Variants in CCDC185 observed in about 807,000 individuals in gnomAD.
CCDC185 encodes coiled-coil domain containing 185.
For missense variants in CCDC185, 982 were observed against 825.3 expected, an observed-to-expected ratio of 1.19 and a Z score of -2.33; for synonymous variants, 381 against 348.1, an observed-to-expected ratio of 1.09 and a Z score of -1.05.
rs749086241 is a variant in CCDC185, at chr1:223,393,870, C to G, written c.395C>G (p.Pro132Arg). ...QPQTQLPPQR[P>R]QPCPHYPLAQ... ...CAGACCCAGCTGCCACCCCAGCGGC[C>G]GCAGCCCTGCCCGCATTACCCTCTG... The change falls in exon 1 of 1, where the codon CCG becomes CGG. Residue 132 changes from proline (P) to arginine (R), a missense_variant. Coordinates refer to ENST00000366875, the MANE Select transcript of CCDC185 (RefSeq NM_152610.3). The surrounding 1 kb of genome is among the most constrained non-coding windows in gnomAD (Gnocchi z 4.8). 2.5e-6 allele frequency: 4 copies of G among 1,606,344 alleles called. No individual in the cohort carries two copies. In the African/African-American group the frequency reaches 5.3e-5, roughly 21 times the overall value.
chr1:223,394,717 G>A lies in CCDC185; in HGVS notation c.1242G>A (p.Glu414=), dbSNP rs771529561. The A allele has an allele frequency of 6.2e-7, 1 of 1,611,462 alleles. No individual in the cohort carries two copies. Among genetic ancestry groups the A allele is most frequent in the Non-Finnish European group, 8.5e-7 (1 of 1,179,004 alleles). ...GCAAGAGGCACCTACATGCCGTGGAGGGCCAGAAGAAGGTCCAGGACACCA... is the reference window on the plus strand; with the variant it reads ...GCAAGAGGCACCTACATGCCGTGGAAGGCCAGAAGAAGGTCCAGGACACCA... The part of the protein sequence containing the change: ...ACRKRHLHAV[E]GQKKVQDTNL... Residue 414 remains glutamate, a synonymous_variant, in exon 1 of 1, where the codon GAG becomes GAA. Transcript: ENST00000366875.
In CCDC185 at chr1:223,395,352, C is replaced by G; in HGVS notation, c.*5C>G. 2.0e-6 allele frequency: 3 copies of G among 1,504,464 alleles called. No homozygotes were observed. Among genetic ancestry groups the G allele is most frequent in the South Asian group, 2.8e-5 (2 of 70,616 alleles). 93.2% of individuals were successfully genotyped at this position (1,504,464 alleles called of 1,614,324 possible). A position where few individuals can be genotyped will look rare whatever the true frequency, so the allele number is the denominator to read the frequency against. On this transcript the variant is annotated 3_prime_UTR_variant, in exon 1 of 1. Transcript: ENST00000366875. ...CAGCAGAACAGGGGTTACTGAGAACCAAGGACGCCTGGCTTACAGTGCGCA... is the reference window on the plus strand; with the variant it reads ...CAGCAGAACAGGGGTTACTGAGAACGAAGGACGCCTGGCTTACAGTGCGCA...
chr1:223,393,766 G>A lies in CCDC185; in HGVS notation c.291G>A (p.Arg97=). The A allele has an allele frequency of 1.3e-6, 2 of 1,565,254 alleles. No homozygotes were observed. Among genetic ancestry groups the A allele is most frequent in the Non-Finnish European group, 1.7e-6 (2 of 1,157,366 alleles). Residue 97 remains arginine (R), a synonymous_variant, in exon 1 of 1, where the codon AGG becomes AGA. Coordinates refer to ENST00000366875, the MANE Select transcript of CCDC185 (RefSeq NM_152610.3). The surrounding 1 kb of genome is among the most constrained non-coding windows in gnomAD (Gnocchi z 4.8). ...DVARRPLERS[R]KHRPRSRRLE... The stretch of plus-strand genomic sequence containing the variant: ...CCCGCAGGCCCCTGGAACGTTCCAG[G>A]AAGCACCGGCCCCGCAGCAGGCGCC...
In CCDC185 at chr1:223,394,706, C is replaced by A. The variant is rs1413468831; in HGVS notation, c.1231C>A (p.His411Asn). The A allele has an allele frequency of 1.2e-6, 2 of 1,611,640 alleles. No homozygotes were observed. Among genetic ancestry groups the A allele is most frequent in the African/African-American group, 2.7e-5 (2 of 74,846 alleles). The part of the protein sequence containing the change: ...LVEACRKRHL[H>N]AVEGQKKVQD... ...GGAAGCCTGTCGCAAGAGGCACCTA[C>A]ATGCCGTGGAGGGCCAGAAGAAGGT... Residue 411 changes from histidine (H) to asparagine (N), a missense_variant, in exon 1 of 1, where the codon CAT becomes AAT. Physicochemically the swap from His to Asn is moderately conservative, Grantham distance 68. Transcript: ENST00000366875.
rs1053468522 is a variant in CCDC185 at position 223,395,309 on chromosome 1, G to A, written c.1834G>A (p.Ala612Thr). ...NSSLDQMVLE[A>T]QLRACQQNRG... ...CTCCCTTGATCAGATGGTACTAGAG[G>A]CCCAGCTCCGTGCCTGTCAGCAGAA... The change falls in exon 1 of 1, where the codon GCC (alanine) becomes ACC (threonine). Residue 612 changes from alanine to threonine, a missense_variant. Transcript: ENST00000366875. 6.5e-7 allele frequency: 1 copy of A among 1,529,394 alleles called. No individual in the cohort carries two copies. Among genetic ancestry groups the A allele is most frequent in the Non-Finnish European group, 8.8e-7 (1 of 1,142,758 alleles). The allele number at this position is 1,529,394 out of a possible 1,614,324, so 94.7% of individuals were successfully genotyped here.
rs186875984 is a variant in CCDC185, at chr1:223,394,374, G to T, written c.899G>T (p.Arg300Leu). Residue 300 changes from arginine to leucine, a missense_variant, in exon 1 of 1, where the codon CGG becomes CTG. Physicochemically the swap from Arg to Leu is moderately radical, Grantham distance 102. Transcript: ENST00000366875. The part of the protein sequence containing the change: ...SDQKVQMTLE[R>L]ERRLLLRQSQ... ...CAGAAGGTCCAGATGACCCTGGAGC[G>T]GGAGCGCCGGCTGCTGCTGCGGCAG... is the stretch of plus-strand genomic sequence containing the variant. 3.2e-6 allele frequency: 5 copies of T among 1,574,844 alleles called. No individual in the cohort carries two copies. The South Asian group carries it at 5.8e-5, about 18-fold the overall frequency.
chr1:223,393,963 T>C lies in CCDC185; in HGVS notation c.488T>C (p.Val163Ala), dbSNP rs1377781945. ...ACTCCCCTGAGTGGCACATTCAGGG[T>C]AGAAAAGGCACAGGGTGGAGACCAG... ...AGTPLSGTFR[V>A]EKAQGGDQWA... The change falls in exon 1 of 1, where the codon GTA becomes GCA. Residue 163 changes from valine (V) to alanine (A), a missense_variant. Val to Ala is a moderately conservative substitution (Grantham distance 64). Transcript: ENST00000366875. The surrounding 1 kb of genome is among the most constrained non-coding windows in gnomAD (Gnocchi z 4.8). 6.2e-7 allele frequency: 1 copy of C among 1,613,580 alleles called. No individual in the cohort carries two copies.
Position 223,394,019 on chromosome 1 carries a change from C to G in CCDC185, c.544C>G (p.Arg182Gly). Residue 182 changes from arginine to glycine, a missense_variant, in exon 1 of 1, where the codon CGC becomes GGC. Transcript: ENST00000366875. ...AGTGCCACTCGGCAGACATCTAGGT[C>G]GCTGGTCCCCTTCCTCAGTTCCCTC... ...WAVPLGRHLG[R>G]WSPSSVPSER... 1 of 1,614,164 alleles carries G rather than the reference C, an allele frequency of 6.2e-7. No individual in the cohort carries two copies. The highest frequency in any genetic ancestry group is 1.1e-5 in the South Asian group (1 of 91,084).
rs1669618603 is a variant in CCDC185, at chr1:223,394,432, C to A, written c.957C>A (p.Arg319=). ...AGCAGTGGCAGGAGAAGGAGCAGCG[C>A]AAGACCCTCCAGAGCCCTGAGCAGC... ...SQEQWQEKEQ[R]KTLQSPEQRG... is the part of the protein sequence containing the mutation. Residue 319 remains arginine (R), a synonymous_variant, in exon 1 of 1, where the codon CGC becomes CGA. Coordinates refer to ENST00000366875, the MANE Select transcript of CCDC185 (RefSeq NM_152610.3). 7 of 1,567,850 alleles carry A rather than the reference C, an allele frequency of 4.5e-6. No homozygotes were observed. The highest frequency in any genetic ancestry group is 6.0e-6 in the Non-Finnish European group (7 of 1,157,130).
chr1:223,394,602 T>A lies in CCDC185; in HGVS notation c.1127T>A (p.Val376Glu). Residue 376 changes from valine (V) to glutamate (E), a missense_variant, in exon 1 of 1, where the codon GTG becomes GAG. Transcript: ENST00000366875. ...GCAGAGCACCGAAAACAGTGCCAGG[T>A]GCGGCGCCTGCGGGAGCAGGAGAAG... ...AQAEHRKQCQ[V>E]RRLREQEKML... 1 of 1,611,674 alleles carries A rather than the reference T, an allele frequency of 6.2e-7. No homozygotes were observed. Among genetic ancestry groups the A allele is most frequent in the Non-Finnish European group, 8.5e-7 (1 of 1,179,202 alleles).
Position 223,394,648 on chromosome 1 carries a change from G to A in CCDC185, c.1173G>A (p.Glu391=). Residue 391 remains glutamate, a synonymous_variant, in exon 1 of 1, where the codon GAG becomes GAA. Coordinates refer to ENST00000366875, the MANE Select transcript of CCDC185 (RefSeq NM_152610.3). ...AGAAGATGCTACGGAACCTCCGGGA[G>A]CAGCACAGCCTGCAGCTGCAGAGGA... ...EQEKMLRNLR[E]QHSLQLQRRL... The A allele has an allele frequency of 6.2e-7, 1 of 1,613,358 alleles. No homozygotes were observed. The highest frequency in any genetic ancestry group is 8.5e-7 in the Non-Finnish European group (1 of 1,179,934).
At position 223,394,341 on chromosome 1, in the gene CCDC185, G is replaced by C. The variant is rs767318649; in HGVS notation, c.866G>C (p.Arg289Pro). 1.9e-6 allele frequency: 3 copies of C among 1,595,492 alleles called. No individual in the cohort carries two copies. The highest frequency in any genetic ancestry group is 3.5e-5 in the Admixed American group (2 of 56,462). The change falls in exon 1 of 1, where the codon CGC (arginine) becomes CCC (proline). Residue 289 changes from arginine (R) to proline (P), a missense_variant. By Grantham distance (103) the Arg-to-Pro change is moderately radical. Coordinates refer to ENST00000366875, the MANE Select transcript of CCDC185 (RefSeq NM_152610.3). ...QAAKAWEELK[R>P]SDQKVQMTLE... ...GCTAAGGCCTGGGAGGAGCTGAAGCGCTCGGATCAGAAGGTCCAGATGACC... is the reference window on the plus strand; with the variant it reads ...GCTAAGGCCTGGGAGGAGCTGAAGCCCTCGGATCAGAAGGTCCAGATGACC...
In CCDC185 at chr1:223,394,093, C is replaced by T. The variant is rs780231317; in HGVS notation, c.618C>T (p.Cys206=). 17 of 1,614,034 alleles carry T rather than the reference C, an allele frequency of 1.1e-5. No homozygotes were observed. The highest frequency in any genetic ancestry group is 2.7e-5 in the African/African-American group (2 of 74,946). The stretch of plus-strand genomic sequence containing the variant: ...AAAAGTTCAAGAGGCACTCAGCCTG[C>T]GTGTGCGCCCAGAAGAGAGACAGCA... ...PSQKFKRHSA[C]VCAQKRDSSD... is the part of the protein sequence containing the mutation. The change falls in exon 1 of 1, where the codon TGC becomes TGT. Residue 206 remains cysteine, a synonymous_variant. Transcript: ENST00000366875.
At position 223,395,035 on chromosome 1, in the gene CCDC185, C is replaced by T. The variant is rs749893943; in HGVS notation, c.1560C>T (p.His520=). ...ADEKIRQARS[H]VHKTTRDKVQ... ...AGAAGATCCGACAGGCCAGGAGTCA[C>T]GTGCACAAGACCACTAGGGACAAGG... The change falls in exon 1 of 1, where the codon CAC becomes CAT. Residue 520 remains histidine (H), a synonymous_variant. Transcript: ENST00000366875. The T allele has an allele frequency of 1.2e-4, 193 of 1,613,862 alleles. No individual in the cohort carries two copies. The highest frequency in any genetic ancestry group is 9.9e-4 in the Middle Eastern group (6 of 6,084).
rs777062819 is a variant in CCDC185, at chr1:223,394,181, C to A, written c.706C>A (p.Arg236=). The part of the protein sequence containing the change: ...SQPLASSKEM[R]SPHTQVLKSK... ...GCCCTTGGCCTCCAGCAAAGAGATG[C>A]GGAGCCCGCACACCCAGGTCCTGAA... The change falls in exon 1 of 1, where the codon CGG becomes AGG. Residue 236 remains arginine (R), a synonymous_variant. Coordinates refer to ENST00000366875, the MANE Select transcript of CCDC185 (RefSeq NM_152610.3). 2 of 1,614,010 alleles carry A rather than the reference C, an allele frequency of 1.2e-6. No individual in the cohort carries two copies. The highest frequency in any genetic ancestry group is 1.1e-5 in the South Asian group (1 of 91,080).
chr1:223,395,137 A>G lies in CCDC185; in HGVS notation c.1662A>G (p.Glu554=), dbSNP rs140081220. The G allele has an allele frequency of 1.4e-5, 22 of 1,614,024 alleles. No individual in the cohort carries two copies. The highest frequency in any genetic ancestry group is 1.8e-5 in the Non-Finnish European group (21 of 1,180,030). Reference sequence around the variant, plus strand: ...TGAAACTGAAAGCCGAGAAGGAGGAAAAGTGTCACATTGAGGGCATCAAGG... The same window carrying G: ...TGAAACTGAAAGCCGAGAAGGAGGAGAAGTGTCACATTGAGGGCATCAAGG... ...HILKLKAEKE[E]KCHIEGIKEA... is the part of the protein sequence containing the mutation. Residue 554 remains glutamate (E), a synonymous_variant, in exon 1 of 1, where the codon GAA becomes GAG. Coordinates refer to ENST00000366875, the MANE Select transcript of CCDC185 (RefSeq NM_152610.3).
At position 223,393,459 on chromosome 1, in the gene CCDC185, C is replaced by T; in HGVS notation, c.-17C>T. On this transcript the variant is annotated 5_prime_UTR_variant, in exon 1 of 1. Coordinates refer to ENST00000366875, the MANE Select transcript of CCDC185 (RefSeq NM_152610.3). This position sits in a 1 kb window ranked among gnomAD's most constrained non-coding sequence, Gnocchi z 4.8. ...TCAGGCCCCTTGGGCAGACGCTGCG[C>T]GTGCCCAGAGGGAGGGATGGCAGGC... The T allele has an allele frequency of 6.9e-7, 1 of 1,445,526 alleles. No individual in the cohort carries two copies. Among genetic ancestry groups the T allele is most frequent in the Non-Finnish European group, 9.1e-7 (1 of 1,099,908 alleles). The allele number at this position is 1,445,526 out of a possible 1,614,324, so 89.5% of individuals were successfully genotyped here. A position where few individuals can be genotyped will look rare whatever the true frequency, so the allele number is the denominator to read the frequency against.
chr1:223,395,201 T>A lies in CCDC185; in HGVS notation c.1726T>A (p.Ser576Thr). The A allele has an allele frequency of 6.2e-7, 1 of 1,613,364 alleles. No individual in the cohort carries two copies. The highest frequency in any genetic ancestry group is 1.1e-5 in the South Asian group (1 of 90,846). The change falls in exon 1 of 1, where the codon TCC (serine) becomes ACC (threonine). Residue 576 changes from serine to threonine, a missense_variant. By Grantham distance (58) the Ser-to-Thr change is moderately conservative. Coordinates refer to ENST00000366875, the MANE Select transcript of CCDC185 (RefSeq NM_152610.3). Reference sequence around the variant, plus strand: ...AAAGGAGCAGAGGGTGCAGCACATTTCCCAAGGGAAAGACCCAAACTTCCA... The same window carrying A: ...AAAGGAGCAGAGGGTGCAGCACATTACCCAAGGGAAAGACCCAAACTTCCA... ...KKKEQRVQHI[S>T]QGKDPNFQEF...
rs1414858540 is a variant in CCDC185 at position 223,393,835 on chromosome 1, T to G, written c.360T>G (p.Ala120=). Residue 120 remains alanine (A), a synonymous_variant, in exon 1 of 1, where the codon GCT becomes GCG. Coordinates refer to ENST00000366875, the MANE Select transcript of CCDC185 (RefSeq NM_152610.3). This position sits in a 1 kb window ranked among gnomAD's most constrained non-coding sequence, Gnocchi z 4.8. The stretch of plus-strand genomic sequence containing the variant: ...AGACAGGAACCAAGCCCCGCCCGGC[T>G]TGGCAGCCGCAGACCCAGCTGCCAC... ...WGETGTKPRP[A]WQPQTQLPPQ... 1 of 1,597,904 alleles carries G rather than the reference T, an allele frequency of 6.3e-7. No homozygotes were observed. The highest frequency in any genetic ancestry group is 1.7e-5 in the Admixed American group (1 of 57,952).
Sources: allele counts gnomAD v4.1 joint callset, GRCh38; gene constraint gnomAD v4.1.1; non-coding constraint Gnocchi (gnomAD v3.1); transcripts MANE v1.5; gene names NCBI Gene and HGNC (gene_info 2026-07-23, HGNC 2026-07-21).